The following UBE3D variants were observed in gnomAD, a reference collection of about 807,000 sequenced individuals.
UBE3D encodes the protein ubiquitin protein ligase E3D, also known as E3 ubiquitin-protein ligase E3D.
Under a neutral mutation model 49.6 loss-of-function variants are expected in UBE3D, and 48 were observed. That is an observed-to-expected ratio of 0.97 (90% CI 0.77 to 1.23). The LOEUF is 1.23. Ranked by LOEUF, UBE3D falls within the 50% of genes most tolerant of loss-of-function variation. The pLI is 0.00. For synonymous variants in UBE3D, 189 were observed against 174.2 expected (o/e 1.08, Z -0.67); for missense variants, 452 against 468.4 (o/e 0.96, Z 0.32).
Position 83,019,079 on chromosome 6 carries a change from T to C in UBE3D, c.904A>G (p.Ile302Val), listed in dbSNP as rs1323112250. 2 of 1,613,978 alleles carry C rather than the reference T, an allele frequency of 1.2e-6. No individual in the cohort carries two copies. Among genetic ancestry groups the C allele is most frequent in the South Asian group, 2.2e-5 (2 of 91,054 alleles). The change falls in exon 8 of 10, where the codon ATC (isoleucine) becomes GTC (valine). Residue 302 changes from isoleucine (I) to valine (V), a missense_variant. Transcript: ENST00000369747. ...VIESLRNSKY[I>V]KKFPLLENTF... ...TTTTCCAACAAGGGGAATTTTTTGA[T>C]ATATTTGGAATTTCTCAAAGATTCA...
At chr6:82,945,305 G>A (rs117214100) in intron 9 of UBE3D, among the ~76,000 whole-genome samples, 450 of 152,324 alleles carry the variant, frequency 3.0e-3, no homozygotes, top group Non-Finnish European at 4.7e-3. Context: ...GAGGGAGAAA[G>A]AGAGACTGAC....
chr6:83,059,738 A>C (rs1446717052), intron 1 of UBE3D, among the ~76,000 whole-genome samples: 2 of 151,784 alleles, frequency 1.3e-5, no homozygotes, highest in Non-Finnish European at 2.9e-5. Flanking sequence ...AACTAAGCAG[A>C]CTGTGGAGGG....
intron 9 of UBE3D, among the ~76,000 whole-genome samples, chr6:82,914,794 T>C (rs777805021): frequency 9.2e-5 from 14 of 152,234 alleles, no homozygotes; most frequent in Non-Finnish European, 2.1e-4. Flanking sequence ...CGATACCTTT[T>C]GCTTCCCAAC....
chr6:83,055,265 C>T (rs1407744965), intron 2 of UBE3D, among the ~76,000 whole-genome samples: 1 of 152,054 alleles, frequency 6.6e-6, no homozygotes, highest in Non-Finnish European at 1.5e-5. Flanking sequence ...TAAAATATGT[C>T]TATAAAAATC....
chr6:82,957,157 A>T (rs1386448295), intron 9 of UBE3D, among the ~76,000 whole-genome samples, 155 bp downstream of exon 9: 1 of 152,144 alleles, frequency 6.6e-6, no homozygotes, highest in African/African-American at 2.4e-5. Flanking sequence ...ACAAACAAAC[A>T]AAAAACAGAT....
chr6:83,028,985 G>A (rs1456477351), intron 5 of UBE3D, among the ~76,000 whole-genome samples: 2 of 152,114 alleles, frequency 1.3e-5, no homozygotes, highest in South Asian at 4.2e-4. Flanking sequence ...CACCTTAATT[G>A]TATTAGGAAA....
chr6:82,953,122 G>A (rs1246013965), intron 9 of UBE3D, among the ~76,000 whole-genome samples: 1 of 152,186 alleles, frequency 6.6e-6, no homozygotes, highest in African/African-American at 2.4e-5. Context: ...GAGTTCTGAA[G>A]CACACAGAGT....
chr6:82,986,168 T>C (rs180801272), intron 8 of UBE3D, among the ~76,000 whole-genome samples: 1 of 152,198 alleles, frequency 6.6e-6, no homozygotes, highest in East Asian at 1.9e-4. Context: ...TATACTTCCA[T>C]TTGCTTAAGA....
At chr6:82,881,983 C>T in the UBE3D span, among the ~76,000 whole-genome samples, 571 of 152,286 alleles carry the variant, frequency 3.7e-3, 3 homozygotes, top group African/African-American at 0.013. Context: ...TCCACGAACA[C>T]ACCCAGAACT....
At chr6:82,908,249 T>G (rs560487866) in intron 9 of UBE3D, among the ~76,000 whole-genome samples, 1 of 152,260 alleles carries the variant, frequency 6.6e-6, no homozygotes, top group East Asian at 1.9e-4. Context: ...AAATCTTCTT[T>G]TAGGATAATG....
chr6:82,909,105 G>A (rs1362003381), intron 9 of UBE3D, among the ~76,000 whole-genome samples: 2 of 152,200 alleles, frequency 1.3e-5, no homozygotes, highest in Non-Finnish European at 2.9e-5. Flanking sequence ...TGTCCCACAG[G>A]TCACAGTAAC....
chr6:82,948,876 CA>C (rs35273820), intron 9 of UBE3D, among the ~76,000 whole-genome samples: 24,303 of 151,258 alleles, frequency 0.16, 1,989 homozygotes, highest in South Asian at 0.17. Flanking sequence ...TACCTCAACA[CA>C]AAAAAAAGCC....
At chr6:83,056,489 G>T (rs550915179) in intron 2 of UBE3D, among the ~76,000 whole-genome samples, 1 of 152,064 alleles carries the variant, frequency 6.6e-6, no homozygotes, top group South Asian at 2.1e-4. Context: ...TTCCCAGCTC[G>T]GTGACCCTAA....
chr6:82,987,978 T>C (rs1197652927), intron 8 of UBE3D, among the ~76,000 whole-genome samples: 1 of 152,174 alleles, frequency 6.6e-6, no homozygotes, highest in East Asian at 1.9e-4. Context: ...AAAAATACAA[T>C]GTGATACCAT....
intron 9 of UBE3D, among the ~76,000 whole-genome samples, chr6:82,896,995 T>G (rs1771372120): frequency 6.6e-6 from 1 of 151,930 alleles, no homozygotes; most frequent in Non-Finnish European, 1.5e-5. Context: ...CGCCCCGGCC[T>G]CCCAAAGTGC....
chr6:82,922,561 C>A (rs919778393), intron 9 of UBE3D, among the ~76,000 whole-genome samples: 4 of 152,122 alleles, frequency 2.6e-5, no homozygotes, highest in African/African-American at 9.7e-5. Context: ...CCCTTCCTTA[C>A]ACCTTATATA....
In UBE3D at chr6:83,022,566, T is replaced by G. The variant is rs1781180207; in HGVS notation, c.738-5A>C. The G allele has an allele frequency of 6.4e-7, 1 of 1,560,520 alleles. No homozygotes were observed. The highest frequency in any genetic ancestry group is 1.4e-5 in the African/African-American group (1 of 71,486). Reference sequence around the variant, plus strand: ...ACGCTCTGGACAAACCAAGACCTGTTTGAACAGAAATCAATTTTTACAATG... The same window carrying G: ...ACGCTCTGGACAAACCAAGACCTGTGTGAACAGAAATCAATTTTTACAATG... On this transcript the variant is annotated splice_region_variant and splice_polypyrimidine_tract_variant and intron_variant, in intron 6 of 9. Transcript: ENST00000369747.
intron 9 of UBE3D, among the ~76,000 whole-genome samples, chr6:82,925,466 A>C (rs1053483006): frequency 1.3e-5 from 2 of 152,146 alleles, no homozygotes; most frequent in Non-Finnish European, 2.9e-5. Flanking sequence ...AGACTCTATG[A>C]TTAGACACTC....
chr6:82,933,816 T>G (rs1274519227), intron 9 of UBE3D, among the ~76,000 whole-genome samples: 1 of 152,166 alleles, frequency 6.6e-6, no homozygotes, highest in Non-Finnish European at 1.5e-5. Flanking sequence ...TTCCAACTAA[T>G]AGCTATACTC....
Sources: allele counts gnomAD v4.1 joint callset (sites outside exome capture counted in the v4.1 genomes callset), GRCh38; gene constraint gnomAD v4.1.1; transcripts MANE v1.5; gene names NCBI Gene and HGNC (gene_info 2026-07-23, HGNC 2026-07-21).